The following GREM2 variants were observed in gnomAD, a reference collection of about 807,000 sequenced individuals.
The protein encoded by GREM2 is gremlin 2, DAN family BMP antagonist.
GREM2 carries 11 observed loss-of-function variants against 14.2 expected under a neutral mutation model. That is an observed-to-expected ratio of 0.78 (90% CI 0.49 to 1.28). The LOEUF is 1.28. Among genes scored for constraint, GREM2 ranks in the 50% most tolerant of loss-of-function variants. The probability of loss-of-function intolerance (pLI) is 0.00; values close to 1 mark genes in which losing one functional copy is unlikely to be tolerated. For missense variants in GREM2, 210 were observed against 218.5 expected (o/e 0.96, Z 0.24); for synonymous variants, 98 against 97.6 (o/e 1.00, Z -0.02).
chr1:240,520,295 G>A (rs986683391), intron 1 of GREM2, among the ~76,000 whole-genome samples: 1 of 151,998 alleles, frequency 6.6e-6, no homozygotes, highest in African/African-American at 2.4e-5. Flanking sequence ...ATGAGCTCTG[G>A]TGGTCAACTA....
At chr1:240,590,333 A>C (rs1218120078) in intron 1 of GREM2, among the ~76,000 whole-genome samples, 1 of 152,062 alleles carries the variant, frequency 6.6e-6, no homozygotes. Context: ...TCATTTGCAC[A>C]CTAAGTTCTG....
chr1:240,579,077 C>T (rs1679431753), intron 1 of GREM2, among the ~76,000 whole-genome samples: 1 of 152,132 alleles, frequency 6.6e-6, no homozygotes, highest in African/African-American at 2.4e-5. Context: ...GGTCATTCTC[C>T]TTAAACCTTT....
Position 240,493,265 on chromosome 1 carries a change from C to T in GREM2, c.211G>A (p.Asp71Asn). ...CGCAGCGGCTGCGTCTTGCACCAGT[C>T]ACTCTTGAGGTACTTGCGCTCGGTG... Reference protein sequence around the residue: ...VVTERKYLKSDWCKTQPLRQT... With the variant: ...VVTERKYLKSNWCKTQPLRQT... The change falls in exon 2 of 2, where the codon GAC becomes AAC. Residue 71 changes from aspartate to asparagine, a missense_variant. Transcript: ENST00000318160. 4 of 1,614,086 alleles carry T rather than the reference C, an allele frequency of 2.5e-6. No homozygotes were observed. The highest frequency in any genetic ancestry group is 3.4e-6 in the Non-Finnish European group (4 of 1,180,020).
intron 1 of GREM2, among the ~76,000 whole-genome samples, chr1:240,592,785 G>A (rs914559442): frequency 6.6e-6 from 1 of 152,096 alleles, no homozygotes; most frequent in Non-Finnish European, 1.5e-5. Context: ...GGCCTGTGAG[G>A]CTTGGACTTG....
intron 1 of GREM2, among the ~76,000 whole-genome samples, chr1:240,550,801 CT>C (rs1678832754): frequency 6.6e-6 from 1 of 152,154 alleles, no homozygotes; most frequent in African/African-American, 2.4e-5. Context: ...TTGAATATTG[CT>C]ATTACGAATG....
At chr1:240,553,793 A>G (rs1387953426) in intron 1 of GREM2, among the ~76,000 whole-genome samples, 1 of 152,252 alleles carries the variant, frequency 6.6e-6, no homozygotes, top group African/African-American at 2.4e-5. Context: ...GGTTATCTTA[A>G]TTCTCCTCAT....
At chr1:240,515,580 CAT>C (rs1235071782) in intron 1 of GREM2, among the ~76,000 whole-genome samples, 1 of 152,108 alleles carries the variant, frequency 6.6e-6, no homozygotes, top group East Asian at 1.9e-4. Flanking sequence ...TTTGAGATTA[CAT>C]GAGGTTGGAA....
Position 240,583,893 on chromosome 1 carries a change from C to T in GREM2, c.-2+27991G>A, listed in dbSNP as rs558182746. ...CTGGGATTACAGGCATGAGCCACCG[C>T]GCCCAGCCTTCATCTCTATTTTATT... On this transcript the variant is annotated intron_variant, in intron 1 of 1. Coordinates refer to ENST00000318160, the MANE Select transcript of GREM2 (RefSeq NM_022469.4). 9.2e-5 allele frequency among the ~76,000 whole-genome samples: 14 copies of T among 152,096 alleles called. No individual in the cohort carries two copies. In the Middle Eastern group the frequency reaches 0.01, roughly 111 times the overall value.
chr1:240,494,814 T>C (rs924027731), intron 1 of GREM2, among the ~76,000 whole-genome samples: 1 of 151,924 alleles, frequency 6.6e-6, no homozygotes, highest in Non-Finnish European at 1.5e-5. Context: ...GGCAGGAGAA[T>C]GGCGTGAACC....
rs185685220 is a variant in GREM2 at position 240,543,200 on chromosome 1, C to T, written c.-1-49724G>A. On this transcript the variant is annotated intron_variant, in intron 1 of 1. Coordinates refer to ENST00000318160, the MANE Select transcript of GREM2 (RefSeq NM_022469.4). The surrounding 1 kb of genome is among the most constrained non-coding windows in gnomAD (Gnocchi z 6.4). ...GCTTGCTTCACTGAAGACTGCTCTACGGCCTAGGACAGTAATCAGAGAAAA... is the reference window on the plus strand; with the variant it reads ...GCTTGCTTCACTGAAGACTGCTCTATGGCCTAGGACAGTAATCAGAGAAAA... Among the ~76,000 whole-genome samples, 11 of 152,290 alleles carry T rather than the reference C, an allele frequency of 7.2e-5. No homozygotes were observed. Among genetic ancestry groups the T allele is most frequent in the East Asian group, 1.9e-4 (1 of 5,180 alleles).
intron 1 of GREM2, among the ~76,000 whole-genome samples, chr1:240,541,996 A>G (rs568010909): frequency 1.2e-4 from 18 of 152,256 alleles, no homozygotes; most frequent in African/African-American, 4.3e-4. Context: ...TATATTGATG[A>G]CATTAATGGT....
At chr1:240,545,341 A>G (rs1678693753) in intron 1 of GREM2, among the ~76,000 whole-genome samples, 4 of 152,242 alleles carry the variant, frequency 2.6e-5, no homozygotes, top group Non-Finnish European at 5.9e-5. Flanking sequence ...CAGGGAGGGC[A>G]TGGAAGCTCC....
intron 1 of GREM2, among the ~76,000 whole-genome samples, chr1:240,568,130 C>T (rs139026820): frequency 2.0e-4 from 30 of 151,914 alleles, no homozygotes; most frequent in Admixed American, 1.6e-3. Flanking sequence ...ATAAAAATAA[C>T]GTATTGTAGC....
intron 1 of GREM2, among the ~76,000 whole-genome samples, chr1:240,544,632 T>C (rs1678676867): frequency 6.6e-6 from 1 of 152,162 alleles, no homozygotes; most frequent in African/African-American, 2.4e-5. Context: ...AGAAAAACGA[T>C]TTCATTCCTC....
chr1:240,595,627 C>T (rs1022406052), intron 1 of GREM2, among the ~76,000 whole-genome samples: 1 of 152,028 alleles, frequency 6.6e-6, no homozygotes, highest in African/African-American at 2.4e-5. Context: ...GAGGATAATG[C>T]CCTGGAAGCC....
intron 1 of GREM2, among the ~76,000 whole-genome samples, chr1:240,512,461 G>C (rs1279458568): frequency 3.1e-5 from 1 of 31,766 alleles, no homozygotes; most frequent in Non-Finnish European, 5.2e-5. Context: ...TACTACTAAG[G>C]CTCTTTCCTT....
At position 240,540,603 on chromosome 1, in the gene GREM2, G is replaced by A. The variant is rs375690649; in HGVS notation, c.-1-47127C>T. Among the ~76,000 whole-genome samples, 82 of 150,478 alleles carry A rather than the reference G, an allele frequency of 5.4e-4. No individual in the cohort carries two copies. Among genetic ancestry groups the A allele is most frequent in the African/African-American group, 1.9e-3 (77 of 40,886 alleles). On this transcript the variant is annotated intron_variant, in intron 1 of 1. Coordinates refer to ENST00000318160, the MANE Select transcript of GREM2 (RefSeq NM_022469.4). This position sits in a 1 kb window ranked among gnomAD's most constrained non-coding sequence, Gnocchi z 4.2. ...TTTTGAGATGGAGTCTCACTCTGTC[G>A]CCAGTTTGGAGTGCAGTGGCACGAT...
rs1680149335 is a variant in GREM2 at position 240,612,045 on chromosome 1, A to G, written c.-163T>C. On this transcript the variant is annotated 5_prime_UTR_variant, in exon 1 of 2. Transcript: ENST00000318160. ...CAGCCAGACTGCAGCAGACGCCCAT[A>G]AGAGAAGCGCGCCGGCTGAGGGTGC... 2 of 152,646 alleles carry G rather than the reference A, an allele frequency of 1.3e-5. No homozygotes were observed. The highest frequency in any genetic ancestry group is 2.9e-5 in the Non-Finnish European group (2 of 68,096). 9.5% of individuals were successfully genotyped at this position (152,646 alleles called of 1,614,324 possible).
chr1:240,525,232 G>A (rs1453311948), intron 1 of GREM2, among the ~76,000 whole-genome samples: 1 of 152,164 alleles, frequency 6.6e-6, no homozygotes, highest in Non-Finnish European at 1.5e-5. Flanking sequence ...GCTGTGTCCA[G>A]TGCTGTGTCT....
Sources: gnomAD v4.1 joint callset for allele counts (sites outside exome capture counted in the v4.1 genomes callset) on GRCh38, gnomAD v4.1.1 for gene constraint, Gnocchi (gnomAD v3.1) non-coding constraint, MANE v1.5 for transcripts, NCBI Gene and HGNC (gene_info 2026-07-23, HGNC 2026-07-21) for gene names.